The following BSG variants were observed in gnomAD, a reference collection of about 807,000 sequenced individuals.
BSG encodes basigin.
BSG carries 37 observed loss-of-function variants against 43.1 expected under a neutral mutation model. The observed-to-expected ratio is 0.86, with a 90% CI of 0.66 to 1.13. The LOEUF is 1.13. Ranked by LOEUF, BSG falls within the 50% of genes most tolerant of loss-of-function variation. The pLI, the probability that BSG is intolerant of heterozygous loss-of-function variation, is 0.00. For missense variants in BSG, 599 were observed against 554.2 expected, an observed-to-expected ratio of 1.08 and a Z score of -0.81; for synonymous variants, 309 against 238.7, an observed-to-expected ratio of 1.29 and a Z score of -2.72.
In BSG at chr19:579,608, G is replaced by A. The variant is rs1023817527; in HGVS notation, c.524G>A (p.Gly175Asp). 4.3e-6 allele frequency: 7 copies of A among 1,612,444 alleles called. No homozygotes were observed. In the South Asian group the frequency reaches 4.4e-5, roughly 10 times the overall value. The change falls in exon 3 of 9, where the codon GGC becomes GAC. Residue 175 changes from glycine (G) to aspartate (D), a missense_variant. Physicochemically the swap from Gly to Asp is moderately conservative, Grantham distance 94. Coordinates refer to ENST00000333511, the MANE Select transcript of BSG (RefSeq NM_001728.4). ...ACAGGGCACCGCTGGCTGAAGGGGGGCGTGGTGCTGAAGGAGGACGCGCTG... is the reference window on the plus strand; with the variant it reads ...ACAGGGCACCGCTGGCTGAAGGGGGACGTGGTGCTGAAGGAGGACGCGCTG... The part of the protein sequence containing the change: ...EVTGHRWLKG[G>D]VVLKEDALPG...
chr19:579,126 G>T (rs781671888), intron 2 of BSG: 97 of 469,190 alleles, frequency 2.1e-4, no homozygotes, highest in South Asian at 1.5e-3. Flanking sequence ...GCTCAGGGAC[G>T]TGGGTGGGTG....
Position 572,653 on chromosome 19 carries a change from G to T in BSG, c.19G>T (p.Val7Leu). ...AGGAATCATGGCGGCTGCGCTGTTC[G>T]TGCTGCTGGGATTCGCGCTGCTGGG... MAAALF[V>L]LLGFALLGTH... Residue 7 changes from valine to leucine, a missense_variant, in exon 1 of 9, where the codon GTG becomes TTG. Transcript: ENST00000333511. The T allele has an allele frequency of 1.3e-6, 2 of 1,506,484 alleles. No individual in the cohort carries two copies. Among genetic ancestry groups the T allele is most frequent in the Non-Finnish European group, 1.8e-6 (2 of 1,126,250 alleles). 93.3% of individuals were successfully genotyped at this position (1,506,484 alleles called of 1,614,324 possible).
chr19:572,427 G>T, upstream of BSG: 4 of 1,136,652 alleles, frequency 3.5e-6, no homozygotes, highest in South Asian at 1.8e-4. Flanking sequence ...CCCGGATTCC[G>T]TAGCGTGAGC....
chr19:579,671 A>G lies in BSG; in HGVS notation c.572+15A>G, dbSNP rs1982112692. The stretch of plus-strand genomic sequence containing the variant: ...ACGGAGTTCAAGTGAGTGCCTGACC[A>G]CGCCATGCCGCCACCTGCCCCTTCT... On this transcript the variant is annotated intron_variant, in intron 3 of 8. Coordinates refer to ENST00000333511, the MANE Select transcript of BSG (RefSeq NM_001728.4). 8 of 1,592,066 alleles carry G rather than the reference A, an allele frequency of 5.0e-6. No homozygotes were observed. The highest frequency in any genetic ancestry group is 6.0e-6 in the Non-Finnish European group (7 of 1,168,418).
intron 1 of BSG, among the ~76,000 whole-genome samples, chr19:573,727 C>G (rs955759542): frequency 6.6e-6 from 1 of 152,172 alleles, no homozygotes; most frequent in Non-Finnish European, 1.5e-5. Flanking sequence ...GCCCTGGCCA[C>G]CCGATTCAGC....
Position 579,621 on chromosome 19 carries a change from G to A in BSG, c.537G>A (p.Lys179=), listed in dbSNP as rs1204700461. The change falls in exon 3 of 9, where the codon AAG becomes AAA. Residue 179 remains lysine (K), a synonymous_variant. Transcript: ENST00000333511. ...GGCTGAAGGGGGGCGTGGTGCTGAA[G>A]GAGGACGCGCTGCCCGGCCAGAAAA... The part of the protein sequence containing the change: ...HRWLKGGVVL[K]EDALPGQKTE... 7 of 1,612,268 alleles carry A rather than the reference G, an allele frequency of 4.3e-6. No individual in the cohort carries two copies. In the South Asian group the frequency reaches 7.7e-5, roughly 18 times the overall value.
chr19:571,810 A>G, upstream of BSG: 4 of 566,812 alleles, frequency 7.1e-6, no homozygotes, highest in South Asian at 6.6e-5. Flanking sequence ...GACGCCCACA[A>G]TCTAAGCTGA....
rs1568350211 is a variant in BSG, at chr19:577,992, GAC to G, written c.289_290del (p.Thr97AlafsTer64). Reference sequence around the variant, plus strand: ...GCACGCGGCCAGCACCATCTCCATCGACACGCTCGTGGAGGAGGACACGGGCA... The same window carrying G: ...GCACGCGGCCAGCACCATCTCCATCGACGCTCGTGGAGGAGGACACGGGCA... ...HQHAASTISI[D>X]TLVEEDTGTY... On this transcript the variant is annotated frameshift_variant, in exon 2 of 9. Coordinates refer to ENST00000333511, the MANE Select transcript of BSG (RefSeq NM_001728.4). LOFTEE classifies it high-confidence loss of function. The G allele has an allele frequency of 6.2e-7, 1 of 1,611,982 alleles. No homozygotes were observed. The highest frequency in any genetic ancestry group is 1.3e-5 in the African/African-American group (1 of 74,914).
At chr19:576,949 C>T (rs1981829515) in intron 1 of BSG, among the ~76,000 whole-genome samples, 1 of 131,870 alleles carries the variant, frequency 7.6e-6, no homozygotes, top group Admixed American at 7.3e-5. Context: ...TGTGTGTTTG[C>T]AGACGTGTGT....
chr19:579,398 A>G (rs772319519), intron 2 of BSG, 102 bp from the exon 3 acceptor site: 12 of 1,512,944 alleles, frequency 7.9e-6, no homozygotes, highest in Middle Eastern at 1.7e-4. Flanking sequence ...TGGGATGAAA[A>G]CCAGTCCTTC....
At chr19:580,885 G>T (rs1291237585) in intron 5 of BSG, 103 bp downstream of exon 5, 1 of 1,064,296 alleles carries the variant, frequency 9.4e-7, no homozygotes, top group Non-Finnish European at 1.3e-6. Flanking sequence ...TGGGTGAGGG[G>T]CCTAGACTGG....
intron 8 of BSG, 64 bp downstream of exon 8, chr19:582,646 C>A: frequency 2.9e-6 from 4 of 1,399,182 alleles, no homozygotes; most frequent in African/African-American, 1.4e-5. Flanking sequence ...AACTCCTGAG[C>A]CAGGTGTGGT....
At chr19:582,353 G>C (rs538375679) in intron 7 of BSG, 23 bp downstream of exon 7, 3 of 1,595,692 alleles carry the variant, frequency 1.9e-6, no homozygotes, top group Non-Finnish European at 2.6e-6. Flanking sequence ...TGTGGGGGTC[G>C]GGGGTCCCAA....
upstream of BSG, chr19:571,689 C>T: frequency 1.4e-6 from 1 of 733,402 alleles, no homozygotes; most frequent in South Asian, 1.4e-5. Context: ...TCAGCGAGAC[C>T]ACTTTACTTG....
intron 6 of BSG, 38 bp from the exon 7 acceptor site, chr19:582,268 C>T (rs369856442): frequency 3.7e-6 from 6 of 1,604,656 alleles, no homozygotes; most frequent in African/African-American, 2.7e-5. Context: ...ACAGGCTGTC[C>T]TCTCGTCCTC....
Position 577,836 on chromosome 19 carries a change from T to C in BSG, c.130T>C (p.Cys44Arg), listed in dbSNP as rs1336916378. The C allele has an allele frequency of 1.3e-6, 2 of 1,510,810 alleles. No homozygotes were observed. Among genetic ancestry groups the C allele is most frequent in the East Asian group, 2.4e-5 (1 of 41,378 alleles). 93.6% of individuals were successfully genotyped at this position (1,510,810 alleles called of 1,614,324 possible). A position where few individuals can be genotyped will look rare whatever the true frequency, so the allele number is the denominator to read the frequency against. ...RWVGGSVELH[C>R]EAVGSPVPEI... is the part of the protein sequence containing the mutation. ...GGTGGGGGGCAGTGTGGAGCTGCAC[T>C]GCGAGGCCGTGGGCAGCCCGGTGCC... Residue 44 changes from cysteine to arginine, a missense_variant, in exon 2 of 9, where the codon TGC (cysteine) becomes CGC (arginine). Cys to Arg is a radical substitution (Grantham distance 180). Coordinates refer to ENST00000333511, the MANE Select transcript of BSG (RefSeq NM_001728.4).
chr19:571,987 G>C (rs1288484488), upstream of BSG: 1 of 169,416 alleles, frequency 5.9e-6, no homozygotes, highest in Non-Finnish European at 1.3e-5. Context: ...TTTATACTAA[G>C]AAATTATTCA....
chr19:581,807 G>A (rs776637339), intron 6 of BSG, among the ~76,000 whole-genome samples: 1 of 152,242 alleles, frequency 6.6e-6, no homozygotes, highest in Non-Finnish European at 1.5e-5. Context: ...AGGAGGAGGC[G>A]GCACCTCCGC....
chr19:571,903 T>G (rs1354343636), upstream of BSG, among the ~76,000 whole-genome samples: 4 of 152,164 alleles, frequency 2.6e-5, no homozygotes. Flanking sequence ...GTAAGGTTGA[T>G]TGACAACTTT....
Sources: allele counts gnomAD v4.1 joint callset (sites outside exome capture counted in the v4.1 genomes callset), GRCh38; gene constraint gnomAD v4.1.1; transcripts MANE v1.5; gene names NCBI Gene and HGNC (gene_info 2026-07-23, HGNC 2026-07-21).